The following GRIA1 variants were observed in gnomAD, a reference collection of about 807,000 sequenced individuals.
GRIA1 encodes glutamate receptor 1.
In GRIA1, 31 loss-of-function variants were observed where a neutral mutation model predicts 99.2. The observed-to-expected ratio is 0.31, with a 90% CI of 0.23 to 0.42. The LOEUF (loss-of-function observed/expected upper bound fraction) is 0.42, where lower values mean the gene tolerates loss of function less well. GRIA1 is among the 10% of genes least tolerant of loss of function. The pLI, the probability that GRIA1 is intolerant of heterozygous loss-of-function variation, is 1.00. For missense variants in GRIA1, 782 were observed against 1,157.5 expected, an observed-to-expected ratio of 0.68 and a Z score of 4.71; for synonymous variants, 438 against 432.4, an observed-to-expected ratio of 1.01 and a Z score of -0.16.
At chr5:153,648,843 C>CA (rs903106444) in intron 3 of GRIA1, among the ~76,000 whole-genome samples, 2 of 151,876 alleles carry the variant, frequency 1.3e-5, no homozygotes, top group Middle Eastern at 3.4e-3. Context: ...ATGACACCCC[C>CA]CCCCAAGATG....
chr5:153,619,695 T>TA (rs113865115), intron 2 of GRIA1, among the ~76,000 whole-genome samples: 4,901 of 151,456 alleles, frequency 0.032, 264 homozygotes, highest in African/African-American at 0.11. Context: ...AAAATTATTT[T>TA]AAAAAAAAGA....
At chr5:153,662,076 C>A (rs904991522) in intron 5 of GRIA1, among the ~76,000 whole-genome samples, 2 of 152,190 alleles carry the variant, frequency 1.3e-5, no homozygotes, top group Non-Finnish European at 2.9e-5. Flanking sequence ...ACTCTAATGC[C>A]CTCTGGCTCT....
chr5:153,608,658 A>T (rs1765667701), intron 2 of GRIA1, among the ~76,000 whole-genome samples: 1 of 152,234 alleles, frequency 6.6e-6, no homozygotes, highest in African/African-American at 2.4e-5. Context: ...CCTGGGAGAT[A>T]GTAAGCATAG....
chr5:153,710,021 G>C (rs914153297), intron 11 of GRIA1, among the ~76,000 whole-genome samples: 1 of 152,112 alleles, frequency 6.6e-6, no homozygotes, highest in African/African-American at 2.4e-5. Flanking sequence ...GTATGCCAGC[G>C]AATGCTACTG....
At chr5:153,778,968 A>G (rs1764460348) in intron 13 of GRIA1, among the ~76,000 whole-genome samples, 1 of 152,174 alleles carries the variant, frequency 6.6e-6, no homozygotes, top group Non-Finnish European at 1.5e-5. Context: ...CTTGTCCATA[A>G]CAGATTGAAC....
chr5:153,552,887 G>A (rs1272691496), intron 2 of GRIA1, among the ~76,000 whole-genome samples: 1 of 152,168 alleles, frequency 6.6e-6, no homozygotes, highest in Non-Finnish European at 1.5e-5. Context: ...AAGTATCTAA[G>A]CTTAGGATGA....
In GRIA1 at chr5:153,811,413, GATGT is replaced by G; in HGVS notation, c.*189_*192del. ...ATTTTGCTGTCCCTTTTCCTTTTTT[GATGT>G]TCTTTCACCCTTTTCTGTTTGCTAA... On this transcript the variant is annotated 3_prime_UTR_variant, in exon 16 of 16. Transcript: ENST00000285900. 1 of 571,036 alleles carries G rather than the reference GATGT, an allele frequency of 1.8e-6. No individual in the cohort carries two copies. The highest frequency in any genetic ancestry group is 3.2e-6 in the Non-Finnish European group (1 of 317,250). 35.4% of individuals were successfully genotyped at this position (571,036 alleles called of 1,614,324 possible).
chr5:153,645,191 G>A (rs1324101320), intron 2 of GRIA1, among the ~76,000 whole-genome samples: 2 of 152,170 alleles, frequency 1.3e-5, no homozygotes, highest in African/African-American at 4.8e-5. Flanking sequence ...TGGGTCAAGA[G>A]CAAGAATTGT....
At chr5:153,701,319 G>C (rs1758500498) in intron 10 of GRIA1, among the ~76,000 whole-genome samples, 1 of 152,016 alleles carries the variant, frequency 6.6e-6, no homozygotes, top group African/African-American at 2.4e-5. Context: ...CCTCTGCCCA[G>C]TAAAAACTGT....
At chr5:153,770,441 G>A in intron 13 of GRIA1, 26 bp downstream of exon 13, 1 of 1,601,568 alleles carries the variant, frequency 6.2e-7, no homozygotes, top group Non-Finnish European at 8.5e-7. Flanking sequence ...TTGCTTCCTT[G>A]GTACTCCCTC....
intron 11 of GRIA1, among the ~76,000 whole-genome samples, chr5:153,707,835 G>A (rs751787555): frequency 6.6e-5 from 10 of 152,140 alleles, no homozygotes; most frequent in East Asian, 1.9e-4. Flanking sequence ...TGGGGGGCGC[G>A]TGGGAGAGGA....
chr5:153,532,054 A>G (rs375920309), intron 2 of GRIA1, among the ~76,000 whole-genome samples: 31 of 152,298 alleles, frequency 2.0e-4, no homozygotes, highest in African/African-American at 7.0e-4. Flanking sequence ...ATTTCTATCC[A>G]GAGCTTTATT....
Position 153,577,020 on chromosome 5 carries a change from GGATA to G in GRIA1, c.221-69907_221-69904del, listed in dbSNP as rs1762605416. 3.7e-5 allele frequency among the ~76,000 whole-genome samples: 5 copies of G among 136,642 alleles called. 1 individual carries two copies. The highest frequency in any genetic ancestry group is 1.5e-4 in the Admixed American group (2 of 13,082). 89.6% of individuals were successfully genotyped at this position (136,642 alleles called of 152,430 possible). On this transcript the variant is annotated intron_variant, in intron 2 of 15. Transcript: ENST00000285900. Reference sequence around the variant, plus strand: ...TGAATGGATGGATGGATGGATGGATGGATAAGTGGGTAGATGAATGGGTGGATGG... The same window carrying G: ...TGAATGGATGGATGGATGGATGGATGAGTGGGTAGATGAATGGGTGGATGG...
chr5:153,664,654 G>A (rs2149474872), intron 5 of GRIA1, among the ~76,000 whole-genome samples: 1 of 152,258 alleles, frequency 6.6e-6, no homozygotes, highest in East Asian at 1.9e-4. Flanking sequence ...TTGAAAGCAA[G>A]GACCACACCT....
At chr5:153,656,501 T>C (rs1051164719) in intron 5 of GRIA1, among the ~76,000 whole-genome samples, 3 of 150,890 alleles carry the variant, frequency 2.0e-5, no homozygotes, top group Non-Finnish European at 4.4e-5. Context: ...ATTTTTTGTA[T>C]ATATTAAATT....
intron 11 of GRIA1, chr5:153,755,495 C>T (rs1762770108): frequency 1.3e-5 from 2 of 152,244 alleles, no homozygotes; most frequent in African/African-American, 4.8e-5. Context: ...CAGGTGTCCA[C>T]ACTAAATTTG....
intron 2 of GRIA1, among the ~76,000 whole-genome samples, chr5:153,552,994 G>A (rs1760289745): frequency 6.6e-6 from 1 of 152,070 alleles, no homozygotes; most frequent in Non-Finnish European, 1.5e-5. Flanking sequence ...CAAACTCTTG[G>A]CCTCAAGCAA....
intron 2 of GRIA1, among the ~76,000 whole-genome samples, chr5:153,513,487 AT>A (rs1357075214): frequency 6.6e-6 from 1 of 152,176 alleles, no homozygotes; most frequent in Admixed American, 6.5e-5. Flanking sequence ...AAAAGGCTTG[AT>A]TTTTTGACAC....
At chr5:153,534,156 A>G (rs990337731) in intron 2 of GRIA1, among the ~76,000 whole-genome samples, 4 of 152,232 alleles carry the variant, frequency 2.6e-5, no homozygotes, top group African/African-American at 9.6e-5. Flanking sequence ...GCAAGTTGGA[A>G]GAAAAGAAAA....
Sources: gnomAD v4.1 joint callset for allele counts (sites outside exome capture counted in the v4.1 genomes callset) on GRCh38, gnomAD v4.1.1 for gene constraint, MANE v1.5 for transcripts, NCBI Gene and HGNC (gene_info 2026-07-23, HGNC 2026-07-21) for gene names.